The following SPAG9 variants were observed in gnomAD, a reference collection of about 807,000 sequenced individuals.
SPAG9 encodes the protein C-Jun-amino-terminal kinase-interacting protein 4.
Under a neutral mutation model 166.5 loss-of-function variants are expected in SPAG9, and 35 were observed. That is an observed-to-expected ratio of 0.21 (90% CI 0.16 to 0.28). The LOEUF (loss-of-function observed/expected upper bound fraction) is 0.28, where lower values mean the gene tolerates loss of function less well. SPAG9 is among the 10% of genes least tolerant of loss of function. The pLI is 1.00. For synonymous variants in SPAG9, 534 were observed against 565.5 expected (o/e 0.94, Z 0.79); for missense variants, 1,235 against 1,603.3 (o/e 0.77, Z 3.92).
Position 50,990,445 on chromosome 17 carries a change from T to C in SPAG9, c.2617+5A>G. The C allele has an allele frequency of 6.2e-7, 1 of 1,606,330 alleles. No homozygotes were observed. Among genetic ancestry groups the C allele is most frequent in the Middle Eastern group, 1.7e-4 (1 of 6,044 alleles). On this transcript the variant is annotated splice_donor_5th_base_variant and intron_variant, in intron 20 of 29. Coordinates refer to ENST00000262013, the MANE Select transcript of SPAG9 (RefSeq NM_001130528.3). ...ACAGATGGCAGGTAAAGAGAATGGATATACCTGGTGGTTTATCCATCACTG... is the reference window on the plus strand; with the variant it reads ...ACAGATGGCAGGTAAAGAGAATGGACATACCTGGTGGTTTATCCATCACTG...
intron 5 of SPAG9, among the ~76,000 whole-genome samples, chr17:51,033,959 T>A: frequency 6.6e-6 from 1 of 152,238 alleles, no homozygotes; most frequent in Non-Finnish European, 1.5e-5. Flanking sequence ...TGCTGCTTAT[T>A]TACATCTTTA....
chr17:51,051,676 C>T (rs1192199110), intron 3 of SPAG9, among the ~76,000 whole-genome samples: 3 of 151,912 alleles, frequency 2.0e-5, no homozygotes, highest in Non-Finnish European at 4.4e-5. Context: ...GCCGAGATCA[C>T]GCCACTGCAC....
chr17:51,047,021 A>G, intron 4 of SPAG9: 1 of 1,113,640 alleles, frequency 9.0e-7, no homozygotes, highest in Non-Finnish European at 1.2e-6. Context: ...AACCCTTTCA[A>G]ACATGCCTCT....
chr17:51,076,735 TAA>T (rs137873530), intron 2 of SPAG9, among the ~76,000 whole-genome samples: 11 of 145,214 alleles, frequency 7.6e-5, no homozygotes, highest in Non-Finnish European at 7.6e-5. Context: ...GACTCCGTCT[TAA>T]AAAAAAAAAA....
At chr17:50,986,846 G>A (rs1479229493) in intron 22 of SPAG9, among the ~76,000 whole-genome samples, 4 of 152,054 alleles carry the variant, frequency 2.6e-5, no homozygotes, top group East Asian at 1.9e-4. Flanking sequence ...GGAGCACCTC[G>A]ATTTTAAAAT....
At chr17:50,967,209 G>A (rs1365069530) in intron 29 of SPAG9, among the ~76,000 whole-genome samples, 1 of 152,176 alleles carries the variant, frequency 6.6e-6, no homozygotes, top group Non-Finnish European at 1.5e-5. Context: ...CACAGAGCAG[G>A]GTTATTTTGG....
At chr17:51,088,102 C>T (rs532021113) in intron 1 of SPAG9, among the ~76,000 whole-genome samples, 56 of 152,228 alleles carry the variant, frequency 3.7e-4, no homozygotes, top group Non-Finnish European at 6.2e-4. Flanking sequence ...CTGCCTTCTA[C>T]TTCTATAATT....
intron 1 of SPAG9, among the ~76,000 whole-genome samples, chr17:51,092,945 A>AT (rs918914489): frequency 1.3e-5 from 2 of 150,738 alleles, no homozygotes; most frequent in African/African-American, 2.4e-5. Flanking sequence ...CTCTTAAAAA[A>AT]TTTTTTTTTC....
chr17:50,994,259 GCTT>G (rs1191049333), intron 18 of SPAG9, among the ~76,000 whole-genome samples: 1 of 152,096 alleles, frequency 6.6e-6, no homozygotes, highest in Admixed American at 6.5e-5. Flanking sequence ...TTACACTTTT[GCTT>G]CTTCCTCATT....
chr17:51,060,835 AG>A (rs1410873910), intron 2 of SPAG9, among the ~76,000 whole-genome samples: 1 of 149,032 alleles, frequency 6.7e-6, no homozygotes, highest in African/African-American at 2.5e-5. Context: ...CTCAGAGAAA[AG>A]GGTTTTTTTT....
rs375796966 is a variant in SPAG9, at chr17:51,003,798, C to T, written c.1476+1414G>A. 4.6e-5 allele frequency among the ~76,000 whole-genome samples: 7 copies of T among 152,098 alleles called. No homozygotes were observed. The East Asian group carries it at 9.6e-4, about 21-fold the overall frequency. On this transcript the variant is annotated intron_variant, in intron 12 of 29. Transcript: ENST00000262013. ...CTCTCCTTTCAATAAAGTTAAACAA[C>T]AAATGATAAAGATCTTAAGTTTATA...
Position 50,985,009 on chromosome 17 carries a change from A to G in SPAG9, c.3021-19T>C. 1 of 1,611,816 alleles carries G rather than the reference A, an allele frequency of 6.2e-7. No homozygotes were observed. Among genetic ancestry groups the G allele is most frequent in the Non-Finnish European group, 8.5e-7 (1 of 1,177,904 alleles). The stretch of plus-strand genomic sequence containing the variant: ...CACGTGTCTGCAAACAGGAAAGGGG[A>G]GTTCAGAACTCTCCATTCAGGAATA... On this transcript the variant is annotated intron_variant, in intron 23 of 29. Transcript: ENST00000262013.
chr17:50,976,000 C>T, intron 27 of SPAG9: 2 of 903,056 alleles, frequency 2.2e-6, no homozygotes, highest in South Asian at 1.4e-5. Flanking sequence ...ATCTGGTAAA[C>T]CTGGTGCTCA....
chr17:51,025,678 C>T (rs1464361190), intron 6 of SPAG9, among the ~76,000 whole-genome samples: 1 of 152,042 alleles, frequency 6.6e-6, no homozygotes, highest in African/African-American at 2.4e-5. Flanking sequence ...ATCACTTGAG[C>T]CCAGGAGTTT....
chr17:51,018,792 GC>G (rs1221530619), intron 8 of SPAG9, among the ~76,000 whole-genome samples: 1 of 152,106 alleles, frequency 6.6e-6, no homozygotes, highest in Non-Finnish European at 1.5e-5. Context: ...ATGCTCCATA[GC>G]CAACGGTGTG....
At chr17:51,052,948 ACTTGGGAGG>A (rs2047221752) in intron 3 of SPAG9, among the ~76,000 whole-genome samples, 1 of 151,934 alleles carries the variant, frequency 6.6e-6, no homozygotes, top group Non-Finnish European at 1.5e-5. Flanking sequence ...AATCCCAGCT[ACTTGGGAGG>A]CTGAGGTGGG....
chr17:51,056,272 T>C, intron 3 of SPAG9, 140 bp downstream of exon 3: 1 of 651,546 alleles, frequency 1.5e-6, no homozygotes, highest in Non-Finnish European at 2.7e-6. Context: ...CACATGAAAT[T>C]TAATGTTTTC....
At chr17:51,077,897 C>T (rs760328941) in intron 2 of SPAG9, among the ~76,000 whole-genome samples, 2 of 151,852 alleles carry the variant, frequency 1.3e-5, no homozygotes, top group Admixed American at 6.6e-5. Flanking sequence ...GCAATCTGCA[C>T]GCCTCGGCAG....
intron 3 of SPAG9, among the ~76,000 whole-genome samples, chr17:51,053,867 A>C (rs1199840409): frequency 2.4e-5 from 2 of 82,232 alleles, no homozygotes; most frequent in African/African-American, 1.3e-4. Context: ...ATATATATAT[A>C]TATATATATA....
Sources: allele counts gnomAD v4.1 joint callset (sites outside exome capture counted in the v4.1 genomes callset), GRCh38; gene constraint gnomAD v4.1.1; transcripts MANE v1.5; gene names NCBI Gene and HGNC (gene_info 2026-07-23, HGNC 2026-07-21).